Variants in DLC1 observed in about 807,000 individuals in gnomAD.
DLC1 encodes rho GTPase-activating protein 7.
A neutral mutation model predicts 140.3 loss-of-function variants in DLC1; 54 were observed. That is an observed-to-expected ratio of 0.38 (90% CI 0.31 to 0.48). The LOEUF is 0.48. Ranked by LOEUF, DLC1 falls within the 20% of genes least tolerant of loss-of-function variation. The pLI is 0.96. For missense variants in DLC1, 2,536 were observed against 1,907.0 expected, an observed-to-expected ratio of 1.33 and a Z score of -6.14; for synonymous variants, 986 against 728.1, an observed-to-expected ratio of 1.35 and a Z score of -5.70.
intron 2 of DLC1, among the ~76,000 whole-genome samples, chr8:13,461,363 A>T (rs1411138544): frequency 6.6e-6 from 1 of 152,218 alleles, no homozygotes; most frequent in Non-Finnish European, 1.5e-5. Flanking sequence ...AATATGTCTG[A>T]ACATTTACAA....
At chr8:13,218,932 A>T (rs1159132959) in intron 5 of DLC1, among the ~76,000 whole-genome samples, 6 of 125,886 alleles carry the variant, frequency 4.8e-5, no homozygotes, top group Non-Finnish European at 9.5e-5. Context: ...ATAATTACGT[A>T]CGAATATGAT....
intron 4 of DLC1, among the ~76,000 whole-genome samples, chr8:13,331,506 A>T (rs1833587587): frequency 1.3e-5 from 2 of 152,202 alleles, no homozygotes; most frequent in African/African-American, 4.8e-5. Context: ...TAAAATAGCT[A>T]TTGCTACAGA....
At chr8:13,120,933 C>T (rs562128719) in intron 5 of DLC1, among the ~76,000 whole-genome samples, 1 of 152,120 alleles carries the variant, frequency 6.6e-6, no homozygotes, top group Non-Finnish European at 1.5e-5. Flanking sequence ...ACTCTGTTAT[C>T]TTAGCTGGTT....
intron 2 of DLC1, among the ~76,000 whole-genome samples, chr8:13,467,434 C>T (rs1357755033): frequency 2.1e-5 from 3 of 143,776 alleles, no homozygotes; most frequent in Non-Finnish European, 3.0e-5. Context: ...TAAGGTAGTT[C>T]TAGTCTCTTC....
chr8:13,194,074 AAAC>A (rs1826914728), intron 5 of DLC1, among the ~76,000 whole-genome samples: 1 of 152,248 alleles, frequency 6.6e-6, no homozygotes, highest in Admixed American at 6.5e-5. Context: ...AGAATAAAAG[AAAC>A]TTCTCAGTTC....
chr8:13,511,109 T>G (rs1052275666), intron 1 of DLC1, among the ~76,000 whole-genome samples: 8 of 152,202 alleles, frequency 5.3e-5, no homozygotes, highest in African/African-American at 1.9e-4. Context: ...ATTGAGTATC[T>G]AAACCTGCTG....
chr8:13,316,459 T>C (rs1409800772), intron 4 of DLC1, among the ~76,000 whole-genome samples: 2 of 152,140 alleles, frequency 1.3e-5, no homozygotes, highest in African/African-American at 4.8e-5. Context: ...TTTAACAACT[T>C]TCTTAACCCT....
At chr8:13,219,169 T>TATATAAGA (rs1431738821) in intron 5 of DLC1, among the ~76,000 whole-genome samples, 2 of 80,682 alleles carry the variant, frequency 2.5e-5, no homozygotes, top group African/African-American at 1.2e-4. Flanking sequence ...TGAATATAAC[T>TATATAAGA]ATATAATTAT....
chr8:13,531,763 C>T (rs1318646871), intron 1 of DLC1, among the ~76,000 whole-genome samples: 3 of 152,116 alleles, frequency 2.0e-5, no homozygotes, highest in African/African-American at 7.2e-5. Context: ...AATATCAGTG[C>T]TATGTTTGAT....
chr8:13,108,090 C>T (rs376657489), intron 7 of DLC1, among the ~76,000 whole-genome samples: 11 of 152,072 alleles, frequency 7.2e-5, no homozygotes, highest in African/African-American at 2.2e-4. Flanking sequence ...GAAATACACC[C>T]GATAGAGGTC....
In DLC1 at chr8:13,099,794, T is replaced by C. The variant is rs1289713600; in HGVS notation, c.2543A>G (p.His848Arg). The change falls in exon 9 of 18, where the codon CAC (histidine) becomes CGC (arginine). Residue 848 changes from histidine to arginine, a missense_variant. Physicochemically the swap from His to Arg is conservative, Grantham distance 29 (BLOSUM62 0). Coordinates refer to ENST00000276297, the MANE Select transcript of DLC1 (RefSeq NM_182643.3). Reference sequence around the variant, plus strand: ...ACTGTTTTCCCTCCTGAGGCTGATGTGGCCAGGGCCGTGGAAGCTTCCCGT... The same window carrying C: ...ACTGTTTTCCCTCCTGAGGCTGATGCGGCCAGGGCCGTGGAAGCTTCCCGT... ...WRTGSFHGPG[H>R]ISLRRENSSD... 1.2e-6 allele frequency: 2 copies of C among 1,614,036 alleles called. No individual in the cohort carries two copies. Among genetic ancestry groups the C allele is most frequent in the Non-Finnish European group, 1.7e-6 (2 of 1,180,038 alleles).
At chr8:13,178,170 A>G (rs560915724) in intron 5 of DLC1, among the ~76,000 whole-genome samples, 2 of 152,288 alleles carry the variant, frequency 1.3e-5, no homozygotes, top group South Asian at 2.1e-4. Flanking sequence ...AAAGTAAACA[A>G]TATACCTTTT....
intron 2 of DLC1, among the ~76,000 whole-genome samples, chr8:13,472,478 T>C (rs1800252525): frequency 6.6e-6 from 1 of 152,236 alleles, no homozygotes; most frequent in Non-Finnish European, 1.5e-5. Flanking sequence ...ATTCATTCCA[T>C]ATCTTGGACA....
At chr8:13,168,144 C>G (rs977879070) in intron 5 of DLC1, among the ~76,000 whole-genome samples, 1 of 152,164 alleles carries the variant, frequency 6.6e-6, no homozygotes, top group African/African-American at 2.4e-5. Flanking sequence ...TCTTATCTTT[C>G]TTATGAGGCC....
chr8:13,288,838 A>G (rs1158211292), intron 5 of DLC1, among the ~76,000 whole-genome samples: 1 of 152,182 alleles, frequency 6.6e-6, no homozygotes, highest in East Asian at 1.9e-4. Context: ...ATTTGGGAGG[A>G]CTTGCATCAA....
intron 10 of DLC1, among the ~76,000 whole-genome samples, chr8:13,096,340 T>C (rs11783253): frequency 0.04 from 6,054 of 152,074 alleles, 198 homozygotes; most frequent in Non-Finnish European, 0.061. Context: ...GCAGGGAAAA[T>C]ATTACTCTAA....
chr8:13,123,649 G>T (rs1488443173), intron 5 of DLC1, among the ~76,000 whole-genome samples: 2 of 151,996 alleles, frequency 1.3e-5, no homozygotes, highest in Admixed American at 1.3e-4. Context: ...TGGCACCTGG[G>T]CCCTCTCTCC....
rs199775063 is a variant in DLC1, at chr8:13,319,480, G to A, written c.1315-14178C>T. On this transcript the variant is annotated intron_variant, in intron 4 of 17. Coordinates refer to ENST00000276297, the MANE Select transcript of DLC1 (RefSeq NM_182643.3). ...GAGGGGCCTGCTGGCGGGGCGGGGG[G>A]GGGGGGTGGATTTCCCCCTTGCTGT... Among the ~76,000 whole-genome samples the A allele has an allele frequency of 1.9e-3, 197 of 104,976 alleles. 1 individual carries two copies. Among genetic ancestry groups the A allele is most frequent in the African/African-American group, 7.9e-3 (178 of 22,534 alleles). The allele number at this position is 104,976 out of a possible 152,430, so 68.9% of individuals were successfully genotyped here. A position where few individuals can be genotyped will look rare whatever the true frequency, so the allele number is the denominator to read the frequency against.
At chr8:13,425,307 G>A (rs548318783) in intron 2 of DLC1, among the ~76,000 whole-genome samples, 1 of 152,264 alleles carries the variant, frequency 6.6e-6, no homozygotes, top group East Asian at 1.9e-4. Flanking sequence ...GCCCTGGAGG[G>A]TTAGTTGCAT....
Sources: gnomAD v4.1 joint callset for allele counts (sites outside exome capture counted in the v4.1 genomes callset) on GRCh38, gnomAD v4.1.1 for gene constraint, MANE v1.5 for transcripts, NCBI Gene and HGNC (gene_info 2026-07-23, HGNC 2026-07-21) for gene names.